The following FGD5 variants were observed in gnomAD, a reference collection of about 807,000 sequenced individuals.
The protein encoded by FGD5 is FYVE, RhoGEF and PH domain-containing protein 5.
A neutral mutation model predicts 133.4 loss-of-function variants in FGD5; 28 were observed. The ratio of observed to expected loss-of-function variants is 0.21; its 90% CI spans 0.16 to 0.29. FGD5 has a LOEUF of 0.29. FGD5 is among the 10% of genes least tolerant of loss of function. The pLI is 1.00. For missense variants in FGD5, 1,858 were observed against 1,895.2 expected (o/e 0.98, Z 0.36); for synonymous variants, 810 against 776.5 (o/e 1.04, Z -0.72).
intron 4 of FGD5, chr3:14,882,285 G>T: frequency 1.0e-6 from 1 of 985,306 alleles, no homozygotes; most frequent in Non-Finnish European, 1.2e-6. Flanking sequence ...TCATAAGAGG[G>T]TTTTAACTGG....
rs532785450 is a variant in FGD5, at chr3:14,919,548, G to A, written c.3569+715G>A. Among the ~76,000 whole-genome samples, 6 of 152,360 alleles carry A rather than the reference G, an allele frequency of 3.9e-5. No homozygotes were observed. The South Asian group carries it at 1.0e-3, about 26-fold the overall frequency. On this transcript the variant is annotated intron_variant, in intron 13 of 19. Coordinates refer to ENST00000285046, the MANE Select transcript of FGD5 (RefSeq NM_152536.4). ...CAGGAGAATGGCGTGAACCGGGGAG[G>A]TGGAGCTTGCAGTGAGCCGAGATTG...
upstream of FGD5, among the ~76,000 whole-genome samples, chr3:14,814,915 A>C (rs2036346967): frequency 1.3e-5 from 2 of 151,954 alleles, no homozygotes; most frequent in Admixed American, 6.6e-5. Flanking sequence ...TACACCCCAC[A>C]TTCATATGGT....
At chr3:14,843,633 G>A (rs1362075493) in intron 1 of FGD5, among the ~76,000 whole-genome samples, 1 of 151,628 alleles carries the variant, frequency 6.6e-6, no homozygotes, top group Non-Finnish European at 1.5e-5. Flanking sequence ...CCAGTCTGCT[G>A]GCTGGAAGGA....
At chr3:14,859,979 T>C (rs1396235870) in intron 1 of FGD5, among the ~76,000 whole-genome samples, 2 of 152,202 alleles carry the variant, frequency 1.3e-5, no homozygotes, top group Non-Finnish European at 2.9e-5. Flanking sequence ...TTAGTATGCA[T>C]TGGAAAGGGA....
chr3:14,818,845 A>T (rs1402546400), upstream of FGD5: 1 of 1,228,562 alleles, frequency 8.1e-7, no homozygotes, highest in Non-Finnish European at 1.1e-6. Context: ...TGGGCTTCAC[A>T]TGGATGGACG....
In FGD5 at chr3:14,934,503, A is replaced by T. The variant is rs984546596; in HGVS notation, c.*1336A>T. 2 of 151,748 alleles carry T rather than the reference A, an allele frequency of 1.3e-5. No individual in the cohort carries two copies. The highest frequency in any genetic ancestry group is 2.4e-5 in the African/African-American group (1 of 41,300). The allele number at this position is 151,748 out of a possible 1,614,324, so 9.4% of individuals were successfully genotyped here. On this transcript the variant is annotated 3_prime_UTR_variant, in exon 20 of 20. Transcript: ENST00000285046. ...ACTTGCATTAAATATTTTCAGGGGA[A>T]TTTTTTTTTCCAGTTTGCAGTTCTT... is the stretch of plus-strand genomic sequence containing the variant.
chr3:14,891,119 T>C (rs1199869180), intron 4 of FGD5, among the ~76,000 whole-genome samples: 1 of 152,172 alleles, frequency 6.6e-6, no homozygotes, highest in Non-Finnish European at 1.5e-5. Flanking sequence ...TTTTCTTTCT[T>C]TTCCTGGGAT....
chr3:14,904,224 C>G (rs1440975451), intron 9 of FGD5, among the ~76,000 whole-genome samples: 1 of 152,128 alleles, frequency 6.6e-6, no homozygotes, highest in Non-Finnish European at 1.5e-5. Context: ...TTTGTGCAGC[C>G]CATTCTTAGG....
At chr3:14,907,584 T>G in intron 9 of FGD5, 56 bp from the exon 10 acceptor site, 1 of 1,534,118 alleles carries the variant, frequency 6.5e-7, no homozygotes, top group Non-Finnish European at 9.0e-7. Context: ...ACAGAGGAGA[T>G]AAGACGCCTG....
At chr3:14,925,321 A>G (rs989716457) in intron 17 of FGD5, among the ~76,000 whole-genome samples, 6 of 152,192 alleles carry the variant, frequency 3.9e-5, no homozygotes, top group Non-Finnish European at 8.8e-5. Context: ...CCAGAAGACA[A>G]CATATTATAC....
At position 14,847,920 on chromosome 3, in the gene FGD5, G is replaced by T. The variant is rs139084769; in HGVS notation, c.2526-16208G>T. Among the ~76,000 whole-genome samples, 8 of 152,320 alleles carry T rather than the reference G, an allele frequency of 5.3e-5. No individual in the cohort carries two copies. The East Asian group carries it at 1.5e-3, about 29-fold the overall frequency. On this transcript the variant is annotated intron_variant, in intron 1 of 19. Coordinates refer to ENST00000285046, the MANE Select transcript of FGD5 (RefSeq NM_152536.4). ...TTGAGTTGTCCATCTGTGGCATGGG[G>T]GCATTGGGCTCCCCAGCTCTAGGAA...
intron 1 of FGD5, among the ~76,000 whole-genome samples, chr3:14,811,698 C>T (rs1337785092): frequency 6.6e-6 from 1 of 152,168 alleles, no homozygotes; most frequent in African/African-American, 2.4e-5. Flanking sequence ...TGCCATTTAA[C>T]GGATTTAGAA....
Position 14,864,266 on chromosome 3 carries a change from G to A in FGD5, c.2658+6G>A. ...ACCCCAGTGTCACCCACAAGGTAGG[G>A]CACCCCACAGGTAGGCCGTGGGCAT... On this transcript the variant is annotated splice_donor_region_variant and intron_variant, in intron 2 of 19. Transcript: ENST00000285046. 2 of 1,613,894 alleles carry A rather than the reference G, an allele frequency of 1.2e-6. No homozygotes were observed. The highest frequency in any genetic ancestry group is 2.2e-5 in the South Asian group (2 of 91,080).
intron 17 of FGD5, among the ~76,000 whole-genome samples, chr3:14,925,576 A>G (rs1266592891): frequency 6.6e-6 from 1 of 152,192 alleles, no homozygotes; most frequent in African/African-American, 2.4e-5. Context: ...TGGACAGAAT[A>G]CTACTACCCC....
At chr3:14,841,932 C>G (rs2036929168) in intron 1 of FGD5, among the ~76,000 whole-genome samples, 1 of 152,208 alleles carries the variant, frequency 6.6e-6, no homozygotes, top group South Asian at 2.1e-4. Flanking sequence ...CAGGCAGTTG[C>G]CGAGATCCAG....
rs2036981659 is a variant in FGD5 at position 14,844,192 on chromosome 3, C to G, written c.2526-19936C>G. 3.6e-5 allele frequency among the ~76,000 whole-genome samples: 3 copies of G among 83,484 alleles called. No individual in the cohort carries two copies. The Admixed American group carries it at 4.8e-4, about 13-fold the overall frequency. The allele number at this position is 83,484 out of a possible 152,430, so 54.8% of individuals were successfully genotyped here. ...CTTTCAGCTGTAACATTTCTCACATCTTAATAGGCATTAAAAAAAAAAAAA... is the reference window on the plus strand; with the variant it reads ...CTTTCAGCTGTAACATTTCTCACATGTTAATAGGCATTAAAAAAAAAAAAA... On this transcript the variant is annotated intron_variant, in intron 1 of 19. Coordinates refer to ENST00000285046, the MANE Select transcript of FGD5 (RefSeq NM_152536.4).
At chr3:14,855,449 G>A (rs1340318758) in intron 1 of FGD5, among the ~76,000 whole-genome samples, 1 of 152,120 alleles carries the variant, frequency 6.6e-6, no homozygotes, top group East Asian at 1.9e-4. Flanking sequence ...CTCCATAGTG[G>A]CTCTACTGAT....
chr3:14,813,729 C>T (rs983279975), intron 1 of FGD5, among the ~76,000 whole-genome samples: 1 of 136,096 alleles, frequency 7.3e-6, no homozygotes, highest in Admixed American at 7.3e-5. Context: ...ATCACACCTC[C>T]AGTTAAGGCA....
rs551850074 is a variant in FGD5, at chr3:14,886,350, T to C, written c.2748+5578T>C. 1.7e-4 allele frequency among the ~76,000 whole-genome samples: 26 copies of C among 152,362 alleles called. No homozygotes were observed. In the South Asian group the frequency reaches 4.8e-3, roughly 28 times the overall value. On this transcript the variant is annotated intron_variant, in intron 4 of 19. Coordinates refer to ENST00000285046, the MANE Select transcript of FGD5 (RefSeq NM_152536.4). ...GCTGGGTTCATCTTGGTGGCTCTGC[T>C]TCTTGTGTGTTCATCCTGGGACCTG...
Sources: gnomAD v4.1 joint callset for allele counts (sites outside exome capture counted in the v4.1 genomes callset) on GRCh38, gnomAD v4.1.1 for gene constraint, MANE v1.5 for transcripts, NCBI Gene and HGNC (gene_info 2026-07-23, HGNC 2026-07-21) for gene names.